Variants in RTN4R observed in about 807,000 individuals in gnomAD.
The protein encoded by RTN4R is reticulon-4 receptor.
In RTN4R, 4 loss-of-function variants were observed where a neutral mutation model predicts 27.7. That is an observed-to-expected ratio of 0.14 (90% CI 0.07 to 0.33). The LOEUF (loss-of-function observed/expected upper bound fraction) is 0.33. RTN4R is among the 10% of genes least tolerant of loss of function. The pLI is 1.00. For synonymous variants in RTN4R, 290 were observed against 305.6 expected, an observed-to-expected ratio of 0.95 and a Z score of 0.53; for missense variants, 554 against 671.5, an observed-to-expected ratio of 0.83 and a Z score of 1.93.
intron 1 of RTN4R, among the ~76,000 whole-genome samples, chr22:20,248,978 C>A (rs1407811270): frequency 6.6e-6 from 1 of 152,172 alleles, no homozygotes; most frequent in Admixed American, 6.5e-5. Context: ...GTGAGCCCCA[C>A]ACTGGGGGCC....
At position 20,255,445 on chromosome 22, in the gene RTN4R, G is replaced by C. The variant is rs2051206569; in HGVS notation, c.23-12335C>G. On this transcript the variant is annotated intron_variant, in intron 1 of 1. Coordinates refer to ENST00000043402, the MANE Select transcript of RTN4R (RefSeq NM_023004.6). This position sits in a 1 kb window ranked among gnomAD's most constrained non-coding sequence, Gnocchi z 4.8. ...AGGGAGGATCCACATGCTGCTTTTT[G>C]GTCCCCTGCTCGGCCAAGGGTGGCT... Among the ~76,000 whole-genome samples, 3 of 152,134 alleles carry C rather than the reference G, an allele frequency of 2.0e-5. No individual in the cohort carries two copies. In the South Asian group the frequency reaches 6.2e-4, roughly 32 times the overall value.
intron 1 of RTN4R, among the ~76,000 whole-genome samples, chr22:20,246,861 C>T (rs1273855378): frequency 1.3e-5 from 2 of 152,236 alleles, no homozygotes; most frequent in African/African-American, 4.8e-5. Flanking sequence ...CCGGAGGGTC[C>T]CATCACCTGC....
intron 1 of RTN4R, 127 bp from the exon 2 acceptor site, chr22:20,243,237 G>T: frequency 1.2e-6 from 1 of 865,548 alleles, no homozygotes; most frequent in Admixed American, 2.2e-5. Flanking sequence ...TCCAAGATGT[G>T]GCCACCACCC....
At chr22:20,266,334 C>T (rs558076139) in intron 1 of RTN4R, among the ~76,000 whole-genome samples, 8 of 152,366 alleles carry the variant, frequency 5.3e-5, no homozygotes, top group South Asian at 2.1e-4. Flanking sequence ...AGCCCAGGGC[C>T]CTTGCCACAG....
At chr22:20,245,080 C>T (rs772424147) in intron 1 of RTN4R, among the ~76,000 whole-genome samples, 5 of 152,316 alleles carry the variant, frequency 3.3e-5, no homozygotes, top group South Asian at 2.1e-4. Context: ...ATCTCCCTCC[C>T]GAAGCAGCTG....
chr22:20,261,030 C>G (rs1052352399), intron 1 of RTN4R, among the ~76,000 whole-genome samples: 2 of 152,202 alleles, frequency 1.3e-5, no homozygotes, highest in African/African-American at 4.8e-5. Context: ...CATGAACTAA[C>G]GTGTCTCTCA....
chr22:20,246,432 A>C (rs1166493868), intron 1 of RTN4R, among the ~76,000 whole-genome samples: 2 of 127,736 alleles, frequency 1.6e-5, no homozygotes, highest in African/African-American at 5.8e-5. Context: ...TCACTGCAGG[A>C]GGGAGTGTGG....
intron 1 of RTN4R, among the ~76,000 whole-genome samples, chr22:20,262,220 GCAGA>G (rs529281028): frequency 7.2e-5 from 11 of 152,210 alleles, no homozygotes; most frequent in Non-Finnish European, 1.5e-4. Flanking sequence ...TGTGACACTA[GCAGA>G]CAGGCTGGAT....
intron 1 of RTN4R, among the ~76,000 whole-genome samples, chr22:20,264,752 G>A (rs1447688177): frequency 1.3e-5 from 2 of 152,204 alleles, no homozygotes; most frequent in Non-Finnish European, 2.9e-5. Flanking sequence ...GGCAGCAGGC[G>A]GCCAAGCCAG....
chr22:20,250,155 G>T (rs2051167430), intron 1 of RTN4R, among the ~76,000 whole-genome samples: 3 of 152,362 alleles, frequency 2.0e-5, no homozygotes, highest in Non-Finnish European at 2.9e-5. Context: ...CCCAGCCAAG[G>T]CCAGAGCTCC....
Position 20,244,389 on chromosome 22 carries a change from C to T in RTN4R, c.23-1279G>A, listed in dbSNP as rs576045816. Among the ~76,000 whole-genome samples, 35 of 152,340 alleles carry T rather than the reference C, an allele frequency of 2.3e-4. No homozygotes were observed. The East Asian group carries it at 2.3e-3, about 10-fold the overall frequency. ...GGGCAGACAGTGCAGTCGCCCTAAA[C>T]GCAGAGCCCAGCAAGCCCAGCACGC... is the stretch of plus-strand genomic sequence containing the variant. On this transcript the variant is annotated intron_variant, in intron 1 of 1. Transcript: ENST00000043402.
chr22:20,265,262 A>G (rs536994382), intron 1 of RTN4R, among the ~76,000 whole-genome samples: 5 of 152,230 alleles, frequency 3.3e-5, no homozygotes, highest in Admixed American at 2.6e-4. Flanking sequence ...GGTCCCACAC[A>G]CCCTGGCCCT....
rs1435892588 is a variant in RTN4R at position 20,242,652 on chromosome 22, G to T, written c.481C>A (p.Leu161Met). 6.2e-7 allele frequency: 1 copy of T among 1,612,526 alleles called. No individual in the cohort carries two copies. The highest frequency in any genetic ancestry group is 8.5e-7 in the Non-Finnish European group (1 of 1,179,842). The change falls in exon 2 of 2, where the codon CTG (leucine) becomes ATG (methionine). Residue 161 changes from leucine to methionine, a missense_variant. By Grantham distance (15) the Leu-to-Met change is conservative (BLOSUM62 2). This residue lies in a region of RTN4R where 413 missense variants were observed against 542.3 expected (regional missense o/e 0.76). Coordinates refer to ENST00000043402, the MANE Select transcript of RTN4R (RefSeq NM_023004.6). ...AGTGCCTGCAGCGCGTTGTCCTGCAGGTAGAGGTACTGCAGGGCAGCCAGG... is the reference window on the plus strand; with the variant it reads ...AGTGCCTGCAGCGCGTTGTCCTGCATGTAGAGGTACTGCAGGGCAGCCAGG... ...RGLAALQYLY[L>M]QDNALQALPD...
At chr22:20,251,705 T>TCATCAC (rs2051179125) in intron 1 of RTN4R, among the ~76,000 whole-genome samples, 1 of 149,444 alleles carries the variant, frequency 6.7e-6, no homozygotes, top group Non-Finnish European at 1.5e-5. Context: ...ATCACTATCA[T>TCATCAC]CATCACCATC....
chr22:20,242,542 G>A lies in RTN4R; in HGVS notation c.591C>T (p.Ala197=), dbSNP rs753719651. The A allele has an allele frequency of 9.4e-5, 152 of 1,613,476 alleles. 1 individual carries two copies. The highest frequency in any genetic ancestry group is 1.3e-4 in the Non-Finnish European group (148 of 1,179,982). ...GNRISSVPER[A]FRGLHSLDRL... is the part of the protein sequence containing the mutation. The stretch of plus-strand genomic sequence containing the variant: ...GGTCGAGGCTGTGCAGCCCACGGAA[G>A]GCGCGCTCGGGCACGCTGGAGATGC... Residue 197 remains alanine, a synonymous_variant, in exon 2 of 2, where the codon GCC becomes GCT. Transcript: ENST00000043402.
chr22:20,251,270 C>T (rs1408538153), intron 1 of RTN4R, among the ~76,000 whole-genome samples: 1 of 152,136 alleles, frequency 6.6e-6, no homozygotes, highest in African/African-American at 2.4e-5. Flanking sequence ...CCAGCCTCTG[C>T]TAAAGGGATC....
chr22:20,266,478 C>CT (rs1268184983), intron 1 of RTN4R, among the ~76,000 whole-genome samples: 1 of 152,258 alleles, frequency 6.6e-6, no homozygotes, highest in Admixed American at 6.5e-5. Context: ...AACTGAGGCA[C>CT]TGGAGGCGGG....
At chr22:20,249,440 A>G (rs1456340562) in intron 1 of RTN4R, among the ~76,000 whole-genome samples, 2 of 152,212 alleles carry the variant, frequency 1.3e-5, no homozygotes. Context: ...GATCTGCTGC[A>G]TGCACAAGGC....
At chr22:20,262,704 C>G (rs1214716956) in intron 1 of RTN4R, among the ~76,000 whole-genome samples, 1 of 152,242 alleles carries the variant, frequency 6.6e-6, no homozygotes. Flanking sequence ...GAGCTGGGAA[C>G]ACCACCTCTG....
Sources: gnomAD v4.1 joint callset for allele counts (sites outside exome capture counted in the v4.1 genomes callset) on GRCh38, gnomAD v4.1.1 for gene constraint, gnomAD v4.1.1 regional missense constraint, Gnocchi (gnomAD v3.1) non-coding constraint, MANE v1.5 for transcripts, NCBI Gene and HGNC (gene_info 2026-07-23, HGNC 2026-07-21) for gene names.